Variants in MYLK observed in about 807,000 individuals in gnomAD.
MYLK encodes myosin light chain kinase.
A neutral mutation model predicts 203.4 loss-of-function variants in MYLK; 106 were observed. The ratio of observed to expected loss-of-function variants is 0.52; its 90% CI spans 0.45 to 0.61. The LOEUF (loss-of-function observed/expected upper bound fraction) is 0.61, where lower values mean the gene tolerates loss of function less well. Ranked by LOEUF, MYLK falls within the 20% of genes least tolerant of loss-of-function variation. MYLK has a pLI of 0.00. For missense variants in MYLK, 2,072 were observed against 2,442.3 expected, an observed-to-expected ratio of 0.85 and a Z score of 3.20; for synonymous variants, 867 against 959.5, an observed-to-expected ratio of 0.90 and a Z score of 1.78.
At chr3:123,734,366 C>T (rs1262909299) in intron 9 of MYLK, 144 bp from the exon 10 acceptor site, 1 of 809,188 alleles carries the variant, frequency 1.2e-6, no homozygotes, top group Admixed American at 3.4e-5. Context: ...GTAAGAGCAT[C>T]TTTCTCTGCA....
intron 3 of MYLK, among the ~76,000 whole-genome samples, chr3:123,797,964 G>A (rs1303155862): frequency 6.6e-6 from 1 of 152,202 alleles, no homozygotes; most frequent in Non-Finnish European, 1.5e-5. Flanking sequence ...GTCTATGAGT[G>A]AGATGACTGG....
intron 12 of MYLK, among the ~76,000 whole-genome samples, chr3:123,723,195 T>C (rs1269104892): frequency 6.6e-6 from 1 of 152,142 alleles, no homozygotes; most frequent in East Asian, 1.9e-4. Flanking sequence ...CTTCATAAAA[T>C]TGGGGTCGGC....
At chr3:123,650,936 T>A (rs184644771) in intron 24 of MYLK, among the ~76,000 whole-genome samples, 190 of 152,294 alleles carry the variant, frequency 1.2e-3, no homozygotes, top group African/African-American at 4.5e-3. Context: ...TCAGATGCTG[T>A]CACAGGGCAA....
Position 123,664,049 on chromosome 3 carries a change from G to A in MYLK, c.3985+56C>T, listed in dbSNP as rs933208754. 21 of 1,611,620 alleles carry A rather than the reference G, an allele frequency of 1.3e-5. No individual in the cohort carries two copies. In the African/African-American group the frequency reaches 2.5e-4, roughly 19 times the overall value. On this transcript the variant is annotated intron_variant, in intron 23 of 33. Transcript: ENST00000360304. ...CCTGAGGCCCACGTATCTTGCCTGG[G>A]GGCTCCCTGCCTTCCCCTTGCCCCA...
In MYLK at chr3:123,852,771, G is replaced by A. The variant is rs570705538; in HGVS notation, c.-126-21101C>T. On this transcript the variant is annotated intron_variant, in intron 2 of 33. Transcript: ENST00000360304. ...ACAGAATTTCGAAAGTGTCATTTAG[G>A]AGCTCTTAACTGCATATGCTAAAGT... Among the ~76,000 whole-genome samples, 6 of 152,254 alleles carry A rather than the reference G, an allele frequency of 3.9e-5. No homozygotes were observed. In the South Asian group the frequency reaches 1.2e-3, roughly 32 times the overall value.
chr3:123,817,335 T>C (rs7652269), intron 3 of MYLK, among the ~76,000 whole-genome samples: 27,717 of 152,214 alleles, frequency 0.18, 2,988 homozygotes, highest in Non-Finnish European at 0.25. Context: ...CTTTAGCCCC[T>C]AGCAGAGGCC....
chr3:123,725,992 A>C lies in MYLK; in HGVS notation c.1603T>G (p.Cys535Gly), dbSNP rs1373244382. The C allele has an allele frequency of 6.2e-7, 1 of 1,614,176 alleles. No individual in the cohort carries two copies. Among genetic ancestry groups the C allele is most frequent in the Admixed American group, 1.7e-5 (1 of 60,020 alleles). ...GGCACTGGGGTCCCCCGTACGGAGC[A>C]CTGCAGCACAAAATCCTGGCCCTCA... Reference protein sequence around the residue: ...VIEGQDFVLQCSVRGTPVPRI... With the variant: ...VIEGQDFVLQGSVRGTPVPRI... Residue 535 changes from cysteine to glycine, a missense_variant, in exon 12 of 34, where the codon TGC becomes GGC. Cys to Gly is a radical substitution (Grantham distance 159). Transcript: ENST00000360304.
In MYLK at chr3:123,732,880, G is replaced by A. The variant is rs77590783; in HGVS notation, c.1516+16C>T. ...TCCCACAGAGAATGCGGGGTGACCT[G>A]GAGAAGTGTACTCACTTTCCACTTG... is the stretch of plus-strand genomic sequence containing the variant. On this transcript the variant is annotated intron_variant, in intron 11 of 33. Coordinates refer to ENST00000360304, the MANE Select transcript of MYLK (RefSeq NM_053025.4). The A allele has an allele frequency of 2.7e-3, 4,304 of 1,610,352 alleles. 106 individuals are homozygous for A. The African/African-American group carries it at 0.051, about 19-fold the overall frequency.
intron 2 of MYLK, among the ~76,000 whole-genome samples, chr3:123,861,135 A>C (rs1456262356): frequency 6.6e-6 from 1 of 151,914 alleles, no homozygotes; most frequent in Non-Finnish European, 1.5e-5. Context: ...GTCTCAAAAA[A>C]AAAACAAAAA....
At chr3:123,842,600 AC>A (rs1281410621) in intron 2 of MYLK, among the ~76,000 whole-genome samples, 1 of 45,194 alleles carries the variant, frequency 2.2e-5, no homozygotes, top group African/African-American at 1.1e-4. Context: ...GCAAGTCTCA[AC>A]AAATTCCAAA....
chr3:123,683,250 G>T (rs377634979), intron 19 of MYLK, among the ~76,000 whole-genome samples: 1 of 124,510 alleles, frequency 8.0e-6, no homozygotes, highest in Non-Finnish European at 1.6e-5. Context: ...CCCTCCCTGG[G>T]CATCCTTTTC....
At position 123,639,125 on chromosome 3, in the gene MYLK, C is replaced by G; in HGVS notation, c.4838-931G>C. The stretch of plus-strand genomic sequence containing the variant: ...GTTCCCTGGGCTCTGACACTGCCGA[C>G]TCCTGAGGACAGTGGCCTATTTGTT... On this transcript the variant is annotated intron_variant, in intron 28 of 33. Transcript: ENST00000360304. The G allele has an allele frequency of 4.4e-6, 4 of 918,172 alleles. No homozygotes were observed. The South Asian group carries it at 2.0e-4, about 46-fold the overall frequency. The allele number at this position is 918,172 out of a possible 1,614,324, so 56.9% of individuals were successfully genotyped here.
At position 123,806,026 on chromosome 3, in the gene MYLK, G is replaced by A. The variant is rs142129693; in HGVS notation, c.-3-12182C>T. Among the ~76,000 whole-genome samples, 153 of 152,286 alleles carry A rather than the reference G, an allele frequency of 1.0e-3. No individual in the cohort carries two copies. The East Asian group carries it at 0.02, about 20-fold the overall frequency. ...AAATGTTTTAGTTCATTTAAATATT[G>A]CTACAAACATTGCCCTATATATCAC... On this transcript the variant is annotated intron_variant, in intron 3 of 33. Coordinates refer to ENST00000360304, the MANE Select transcript of MYLK (RefSeq NM_053025.4).
intron 24 of MYLK, among the ~76,000 whole-genome samples, chr3:123,655,515 C>T (rs972037966): frequency 2.0e-5 from 3 of 152,222 alleles, no homozygotes; most frequent in African/African-American, 7.2e-5. Context: ...TCTTAGGATA[C>T]CTTCCCTCGG....
chr3:123,819,707 A>G (rs1178886324), intron 3 of MYLK, among the ~76,000 whole-genome samples: 1 of 131,232 alleles, frequency 7.6e-6, no homozygotes, highest in Non-Finnish European at 1.6e-5. Flanking sequence ...ATGTTTCCTT[A>G]TTTTCTTATT....
intron 31 of MYLK, chr3:123,624,675 A>C (rs2058049106): frequency 1.3e-5 from 2 of 152,222 alleles, no homozygotes. Flanking sequence ...ATTTTTAAAA[A>C]GAATATTTGC....
At chr3:123,866,044 T>A (rs576420720) in intron 2 of MYLK, among the ~76,000 whole-genome samples, 1 of 152,148 alleles carries the variant, frequency 6.6e-6, no homozygotes, top group East Asian at 1.9e-4. Context: ...AGCCAGGTGG[T>A]AAGTGAAGAA....
chr3:123,752,361 G>A lies in MYLK; in HGVS notation c.343C>T (p.Arg115Cys), dbSNP rs146921745. The A allele has an allele frequency of 4.3e-6, 7 of 1,613,946 alleles. No homozygotes were observed. Among genetic ancestry groups the A allele is most frequent in the African/African-American group, 1.3e-5 (1 of 74,890 alleles). ...ACTGTCAACTCCACTGTCACCTGGC[G>A]AGCACCACTGCCATTGGTGGCTTCA... ...TCEATNGSGARQVTVELTVEG... is the reference protein window; with the variant it reads ...TCEATNGSGACQVTVELTVEG... Residue 115 changes from arginine to cysteine, a missense_variant, in exon 5 of 34, where the codon CGC becomes TGC. Arg to Cys is a radical substitution (Grantham distance 180). Coordinates refer to ENST00000360304, the MANE Select transcript of MYLK (RefSeq NM_053025.4).
At chr3:123,626,687 T>C (rs2058163342) in intron 31 of MYLK, 131 bp downstream of exon 31, 7 of 1,322,274 alleles carry the variant, frequency 5.3e-6, no homozygotes, top group Non-Finnish European at 5.4e-6. Context: ...CTGCCTAAAT[T>C]GGTCCCAGAC....
Sources: allele counts gnomAD v4.1 joint callset (sites outside exome capture counted in the v4.1 genomes callset), GRCh38; gene constraint gnomAD v4.1.1; transcripts MANE v1.5; gene names NCBI Gene and HGNC (gene_info 2026-07-23, HGNC 2026-07-21).